The following NEDD4L variants were observed in gnomAD, a reference collection of about 807,000 sequenced individuals.
NEDD4L encodes E3 ubiquitin-protein ligase NEDD4-like.
Under a neutral mutation model 148.9 loss-of-function variants are expected in NEDD4L, and 54 were observed. The observed-to-expected ratio is 0.36, with a 90% CI of 0.29 to 0.45. The LOEUF (loss-of-function observed/expected upper bound fraction) is 0.45, where lower values mean the gene tolerates loss of function less well. Among genes scored for constraint, NEDD4L ranks in the 20% least tolerant of loss-of-function variants. NEDD4L has a pLI of 1.00. For synonymous variants in NEDD4L, 433 were observed against 440.7 expected, an observed-to-expected ratio of 0.98 and a Z score of 0.22; for missense variants, 856 against 1,233.8, an observed-to-expected ratio of 0.69 and a Z score of 4.59.
intron 5 of NEDD4L, among the ~76,000 whole-genome samples, chr18:58,274,836 A>C (rs1014811912): frequency 1.3e-5 from 2 of 152,238 alleles, no homozygotes; most frequent in African/African-American, 4.8e-5. Context: ...CTATCACCTT[A>C]GCACTTGGTA....
chr18:58,318,870 A>G (rs1224319182), intron 6 of NEDD4L, among the ~76,000 whole-genome samples: 1 of 152,198 alleles, frequency 6.6e-6, no homozygotes, highest in African/African-American at 2.4e-5. Context: ...TCCCTGGGAA[A>G]GGCAGTGGGG....
At chr18:58,258,033 T>A (rs2048835030) in intron 5 of NEDD4L, among the ~76,000 whole-genome samples, 1 of 152,252 alleles carries the variant, frequency 6.6e-6, no homozygotes, top group Admixed American at 6.5e-5. Context: ...TCAAGTAAAC[T>A]TTATCACTCC....
At chr18:58,109,925 C>T (rs986109692) in intron 1 of NEDD4L, among the ~76,000 whole-genome samples, 3 of 152,074 alleles carry the variant, frequency 2.0e-5, no homozygotes, top group Non-Finnish European at 4.4e-5. Flanking sequence ...TTTAGGAAGA[C>T]CAAACTGACA....
chr18:58,369,441 C>T (rs139712653), intron 22 of NEDD4L, among the ~76,000 whole-genome samples: 1 of 60,916 alleles, frequency 1.6e-5, no homozygotes, highest in African/African-American at 6.9e-5. Context: ...GGGAATGTCC[C>T]TGTCGGCAGG....
At chr18:58,316,227 G>C (rs2058244087) in intron 6 of NEDD4L, among the ~76,000 whole-genome samples, 195 bp downstream of exon 6, 1 of 152,170 alleles carries the variant, frequency 6.6e-6, no homozygotes, top group Admixed American at 6.5e-5. Flanking sequence ...TGTAAGAGTA[G>C]TCAAGGGTGC....
intron 1 of NEDD4L, among the ~76,000 whole-genome samples, chr18:58,044,911 T>C (rs1179314237): frequency 6.6e-6 from 1 of 152,152 alleles, no homozygotes; most frequent in Non-Finnish European, 1.5e-5. Context: ...GCTCATTGTT[T>C]GTAAATAAAG....
At chr18:58,126,375 C>T (rs1288570511) in intron 1 of NEDD4L, among the ~76,000 whole-genome samples, 7 of 152,182 alleles carry the variant, frequency 4.6e-5, no homozygotes, top group Admixed American at 3.9e-4. Context: ...TTTGCATAAA[C>T]GGAATCATAC....
intron 5 of NEDD4L, among the ~76,000 whole-genome samples, chr18:58,297,212 T>A (rs1001151271): frequency 1.2e-4 from 18 of 152,184 alleles, no homozygotes; most frequent in African/African-American, 4.3e-4. Flanking sequence ...TAAGGTAACA[T>A]TGAAAAGTTT....
intron 23 of NEDD4L, 87 bp from the exon 24 acceptor site, chr18:58,373,087 A>T: frequency 1.3e-6 from 1 of 751,948 alleles, no homozygotes; most frequent in Non-Finnish European, 2.4e-6. Context: ...TCTGCACAGA[A>T]TTACATTAGA....
At chr18:58,247,915 G>A (rs1225375907) in intron 3 of NEDD4L, among the ~76,000 whole-genome samples, 1 of 152,224 alleles carries the variant, frequency 6.6e-6, no homozygotes, top group Non-Finnish European at 1.5e-5. Context: ...GGAGTTGTGG[G>A]TGGGGAAAGT....
At chr18:58,275,229 A>G (rs770518888) in intron 5 of NEDD4L, among the ~76,000 whole-genome samples, 7 of 152,244 alleles carry the variant, frequency 4.6e-5, no homozygotes, top group Admixed American at 6.5e-5. Flanking sequence ...AAGAGAAAAT[A>G]TATTTGCTAT....
At chr18:58,275,690 C>T (rs1408176478) in intron 5 of NEDD4L, among the ~76,000 whole-genome samples, 1 of 152,188 alleles carries the variant, frequency 6.6e-6, no homozygotes, top group African/African-American at 2.4e-5. Flanking sequence ...TGCTGATGCC[C>T]AGGCTTCATG....
chr18:58,343,147 C>G (rs373667209), intron 16 of NEDD4L, 44 bp downstream of exon 16: 116 of 1,505,924 alleles, frequency 7.7e-5, no homozygotes, highest in Non-Finnish European at 9.9e-5. Flanking sequence ...ATCATGAAGT[C>G]TGGCATTAAT....
chr18:58,346,547 T>A (rs768813596), intron 16 of NEDD4L, among the ~76,000 whole-genome samples: 5 of 152,220 alleles, frequency 3.3e-5, no homozygotes, highest in Non-Finnish European at 7.3e-5. Context: ...ATGAAACTTA[T>A]TACTCTAGGT....
chr18:58,275,742 C>T (rs1470695664), intron 5 of NEDD4L, among the ~76,000 whole-genome samples: 5 of 152,076 alleles, frequency 3.3e-5, no homozygotes, highest in African/African-American at 7.2e-5. Flanking sequence ...TGTTACCCAA[C>T]GGAGATTTGT....
intron 1 of NEDD4L, among the ~76,000 whole-genome samples, chr18:58,147,026 C>T (rs931225282): frequency 1.3e-5 from 2 of 152,088 alleles, no homozygotes; most frequent in African/African-American, 4.8e-5. Context: ...GGTGTCGGGC[C>T]CAGGATGCGT....
At position 58,256,639 on chromosome 18, in the gene NEDD4L, A is replaced by G. The variant is rs1170562534; in HGVS notation, c.297+4585A>G. The G allele has an allele frequency of 2.4e-6, 3 of 1,232,082 alleles. No homozygotes were observed. The highest frequency in any genetic ancestry group is 3.0e-6 in the Non-Finnish European group (3 of 988,010). The allele number at this position is 1,232,082 out of a possible 1,614,324, so 76.3% of individuals were successfully genotyped here. On this transcript the variant is annotated intron_variant, in intron 5 of 30. Transcript: ENST00000400345. The surrounding 1 kb of genome is among the most constrained non-coding windows in gnomAD (Gnocchi z 5.2). Reference sequence around the variant, plus strand: ...GGACTCCGCAGGGCCAGGGGTGCACATTTAAGATCAGGCAGGATCAGAACG... The same window carrying G: ...GGACTCCGCAGGGCCAGGGGTGCACGTTTAAGATCAGGCAGGATCAGAACG...
intron 2 of NEDD4L, among the ~76,000 whole-genome samples, chr18:58,168,481 A>G (rs1368980609): frequency 1.3e-5 from 2 of 152,228 alleles, no homozygotes; most frequent in Non-Finnish European, 2.9e-5. Flanking sequence ...TGTAACTGGC[A>G]TGTGGGGAAG....
At chr18:58,354,262 T>G (rs1946072001) in intron 18 of NEDD4L, among the ~76,000 whole-genome samples, 1 of 152,154 alleles carries the variant, frequency 6.6e-6, no homozygotes, top group Non-Finnish European at 1.5e-5. Context: ...TCTACAACAT[T>G]AGAAGAGAAA....
Sources: allele counts gnomAD v4.1 joint callset (sites outside exome capture counted in the v4.1 genomes callset), GRCh38; gene constraint gnomAD v4.1.1; non-coding constraint Gnocchi (gnomAD v3.1); transcripts MANE v1.5; gene names NCBI Gene and HGNC (gene_info 2026-07-23, HGNC 2026-07-21).